The following MAGI2 variants were observed in gnomAD, a reference collection of about 807,000 sequenced individuals.
MAGI2 encodes membrane associated guanylate kinase, WW and PDZ domain containing 2, also known as membrane-associated guanylate kinase, WW and PDZ domain-containing protein 2.
In MAGI2, 35 loss-of-function variants were observed where a neutral mutation model predicts 133.3. The ratio of observed to expected loss-of-function variants is 0.26; its 90% confidence interval spans 0.20 to 0.35. The LOEUF is 0.35. MAGI2 is among the 10% of genes least tolerant of loss of function. MAGI2 has a pLI of 1.00. For missense variants in MAGI2, 1,636 were observed against 1,863.4 expected (o/e 0.88, Z 2.25); for synonymous variants, 729 against 710.6 (o/e 1.03, Z -0.41).
chr7:78,245,204 G>A (rs768424652), intron 10 of MAGI2, among the ~76,000 whole-genome samples: 1 of 152,196 alleles, frequency 6.6e-6, no homozygotes, highest in Non-Finnish European at 1.5e-5. Context: ...GCAGAAGATA[G>A]ATATTCAAGG....
At chr7:78,990,885 TAAG>T (rs1805695034) in intron 2 of MAGI2, among the ~76,000 whole-genome samples, 1 of 145,874 alleles carries the variant, frequency 6.9e-6, no homozygotes, top group South Asian at 2.2e-4. Flanking sequence ...TTTACTGAAA[TAAG>T]AGATTTTATA....
chr7:79,122,159 C>T (rs1819959691), intron 1 of MAGI2, among the ~76,000 whole-genome samples: 1 of 152,096 alleles, frequency 6.6e-6, no homozygotes, highest in African/African-American at 2.4e-5. Flanking sequence ...TTCTCTGAGG[C>T]ATTATTTATA....
At chr7:79,110,413 T>C (rs1007470866) in intron 1 of MAGI2, among the ~76,000 whole-genome samples, 1 of 152,158 alleles carries the variant, frequency 6.6e-6, no homozygotes, top group Non-Finnish European at 1.5e-5. Context: ...CAAAGGAGAT[T>C]ATTTTGGAGC....
At chr7:78,103,614 GTTGGGCTCTGCCC>G (rs1818396788) in intron 20 of MAGI2, among the ~76,000 whole-genome samples, 1 of 152,248 alleles carries the variant, frequency 6.6e-6, no homozygotes, top group Admixed American at 6.5e-5. Context: ...AAGTGACGAA[GTTGGGCTCTGCCC>G]AAACCCAGGC....
intron 1 of MAGI2, among the ~76,000 whole-genome samples, chr7:79,298,392 T>C (rs1837112577): frequency 6.6e-6 from 1 of 152,168 alleles, no homozygotes; most frequent in Admixed American, 6.5e-5. Context: ...TGAGAGTTCC[T>C]AACTTGGGGA....
At chr7:78,374,871 G>T (rs1001536339) in intron 6 of MAGI2, among the ~76,000 whole-genome samples, 1 of 150,978 alleles carries the variant, frequency 6.6e-6, no homozygotes, top group Non-Finnish European at 1.5e-5. Context: ...ACAGAGTCTC[G>T]CTCTGTCACC....
intron 3 of MAGI2, chr7:78,616,429 C>T (rs1045404465): frequency 2.0e-5 from 3 of 150,952 alleles, no homozygotes; most frequent in African/African-American, 7.3e-5. Flanking sequence ...ATACATAGAA[C>T]TTTGGGGTGT....
intron 6 of MAGI2, among the ~76,000 whole-genome samples, chr7:78,404,470 C>G (rs1004319685): frequency 1.3e-5 from 2 of 152,118 alleles, no homozygotes; most frequent in East Asian, 1.9e-4. Context: ...CCAAAACAGA[C>G]ATATAGACCA....
In MAGI2 at chr7:78,034,622, GGT is replaced by G. The variant is rs370306438; in HGVS notation, c.3707-14648_3707-14647del. Among the ~76,000 whole-genome samples, 1,344 of 152,178 alleles carry G rather than the reference GGT, an allele frequency of 8.8e-3. 17 individuals carry two copies. Among genetic ancestry groups the G allele is most frequent in the Middle Eastern group, 0.027 (8 of 292 alleles). ...GCCTCACTGCAACCTCTGCCTCCCG[GGT>G]TCAAGCAGTTCTCCTGCCTCAGCCT... On this transcript the variant is annotated intron_variant, in intron 21 of 21. Transcript: ENST00000354212.
At chr7:78,024,460 C>T (rs1202734124) in intron 21 of MAGI2, among the ~76,000 whole-genome samples, 2 of 152,212 alleles carry the variant, frequency 1.3e-5, no homozygotes, top group Non-Finnish European at 2.9e-5. Flanking sequence ...CCTGGACTCT[C>T]TCCCTTATTT....
At chr7:79,155,617 A>G (rs1386021238) in intron 1 of MAGI2, among the ~76,000 whole-genome samples, 1 of 152,134 alleles carries the variant, frequency 6.6e-6, no homozygotes, top group Non-Finnish European at 1.5e-5. Flanking sequence ...GAGATCTAAG[A>G]AAAAGGCAAA....
At chr7:79,446,956 A>T (rs1207260281) in intron 1 of MAGI2, among the ~76,000 whole-genome samples, 1 of 152,194 alleles carries the variant, frequency 6.6e-6, no homozygotes, top group Non-Finnish European at 1.5e-5. Flanking sequence ...CGTCTCAAAA[A>T]AAAATAATAA....
chr7:78,256,173 A>C lies in MAGI2; in HGVS notation c.1817T>G (p.Leu606Ter). Residue 606 changes from leucine to a stop codon, truncating the protein, a stop_gained, in exon 10 of 22, where the codon TTA (leucine) becomes TGA (stop). Transcript: ENST00000354212. LOFTEE classifies it high-confidence loss of function. ...SGATQAELMT[L>*]TIVKGAQGFG... is the part of the protein sequence containing the mutation. ...GCCCTGGGCACCTTTCACAATGGTT[A>C]AGGTCATAAGTTCAGCTTGGGTGGC... 6.2e-7 allele frequency: 1 copy of C among 1,614,024 alleles called. No individual in the cohort carries two copies. The highest frequency in any genetic ancestry group is 8.5e-7 in the Non-Finnish European group (1 of 1,179,990).
intron 1 of MAGI2, chr7:79,125,527 C>A: frequency 1.9e-6 from 1 of 514,072 alleles, no homozygotes; most frequent in South Asian, 1.5e-5. Context: ...TTATAGAAAC[C>A]AGGGCAGTGG....
intron 1 of MAGI2, among the ~76,000 whole-genome samples, chr7:79,174,612 G>A (rs1482066558): frequency 2.7e-5 from 4 of 150,324 alleles, no homozygotes; most frequent in Non-Finnish European, 5.9e-5. Flanking sequence ...AGCACTTTGG[G>A]AGGCCAAGGT....
At position 78,050,713 on chromosome 7, in the gene MAGI2, C is replaced by A. The variant is rs552527474; in HGVS notation, c.3706+28234G>T. ...GTGATCATTCTCTCATGGGCCTGAT[C>A]TATCTTTATCTGACTTAAGGCATTC... On this transcript the variant is annotated intron_variant, in intron 21 of 21. Coordinates refer to ENST00000354212, the MANE Select transcript of MAGI2 (RefSeq NM_012301.4). Among the ~76,000 whole-genome samples the A allele has an allele frequency of 2.6e-4, 40 of 152,056 alleles. No homozygotes were observed. In the Middle Eastern group the frequency reaches 0.01, roughly 39 times the overall value.
chr7:78,421,764 A>G (rs1281009759), intron 6 of MAGI2, among the ~76,000 whole-genome samples: 3 of 152,146 alleles, frequency 2.0e-5, no homozygotes, highest in African/African-American at 7.2e-5. Flanking sequence ...TGATAGTGCC[A>G]CTGCACTCCA....
chr7:79,130,952 C>A (rs915690492), intron 1 of MAGI2, among the ~76,000 whole-genome samples: 4 of 152,078 alleles, frequency 2.6e-5, no homozygotes, highest in Non-Finnish European at 5.9e-5. Context: ...TTCACTCACT[C>A]ATTCATTCAT....
chr7:78,660,007 CAA>C (rs1812757808), intron 2 of MAGI2, among the ~76,000 whole-genome samples: 1 of 151,660 alleles, frequency 6.6e-6, no homozygotes, highest in African/African-American at 2.4e-5. Context: ...TCATTCTCAG[CAA>C]ACTATTGCAA....
Sources: allele counts gnomAD v4.1 joint callset (sites outside exome capture counted in the v4.1 genomes callset), GRCh38; gene constraint gnomAD v4.1.1; transcripts MANE v1.5; gene names NCBI Gene and HGNC (gene_info 2026-07-23, HGNC 2026-07-21).